Variants in CAMKMT observed in about 807,000 individuals in gnomAD.
CAMKMT encodes the protein CaM KMT.
A neutral mutation model predicts 48.0 loss-of-function variants in CAMKMT; 53 were observed. The ratio of observed to expected loss-of-function variants is 1.10; its 90% CI spans 0.89 to 1.39. CAMKMT has a LOEUF of 1.39. Ranked by LOEUF, CAMKMT falls within the 40% of genes most tolerant of loss-of-function variation. The pLI is 0.00. For synonymous variants in CAMKMT, 165 were observed against 152.3 expected, an observed-to-expected ratio of 1.08 and a Z score of -0.61; for missense variants, 428 against 402.7, an observed-to-expected ratio of 1.06 and a Z score of -0.54.
intron 9 of CAMKMT, among the ~76,000 whole-genome samples, chr2:44,755,734 A>G (rs1420638374): frequency 6.6e-6 from 1 of 152,082 alleles, no homozygotes; most frequent in South Asian, 2.1e-4. Flanking sequence ...AACCCTGAAC[A>G]CACTCCCTCC....
intron 3 of CAMKMT, among the ~76,000 whole-genome samples, chr2:44,504,317 G>T (rs931011951): frequency 2.0e-5 from 3 of 152,074 alleles, no homozygotes; most frequent in Admixed American, 6.6e-5. Context: ...TTAGTTTAGG[G>T]CACTCCCTTT....
intron 3 of CAMKMT, among the ~76,000 whole-genome samples, chr2:44,561,827 G>T (rs1436162145): frequency 6.6e-6 from 1 of 152,180 alleles, no homozygotes; most frequent in African/African-American, 2.4e-5. Context: ...ACTGCTAAAT[G>T]AACAAGGAAG....
chr2:44,550,721 G>T (rs571093784), intron 3 of CAMKMT: 1 of 151,886 alleles, frequency 6.6e-6, no homozygotes, highest in African/African-American at 2.4e-5. Context: ...TGCAGTGACT[G>T]GATGAGTCAA....
intron 3 of CAMKMT, among the ~76,000 whole-genome samples, chr2:44,544,159 A>C (rs149503575): frequency 6.6e-6 from 1 of 151,926 alleles, no homozygotes; most frequent in Non-Finnish European, 1.5e-5. Context: ...ATTATGTTAA[A>C]TACATCCCAT....
intron 7 of CAMKMT, among the ~76,000 whole-genome samples, chr2:44,732,787 G>T (rs551840768): frequency 1.3e-5 from 2 of 152,118 alleles, no homozygotes; most frequent in African/African-American, 4.8e-5. Flanking sequence ...TCTTATCATT[G>T]ACATACTCTG....
At chr2:44,484,541 C>A (rs1341736088) in intron 3 of CAMKMT, among the ~76,000 whole-genome samples, 4 of 151,776 alleles carry the variant, frequency 2.6e-5, no homozygotes, top group African/African-American at 7.2e-5. Context: ...AAATCATGGT[C>A]CTCTACCTCA....
chr2:44,411,651 A>G (rs1354707047), intron 3 of CAMKMT, among the ~76,000 whole-genome samples: 1 of 152,168 alleles, frequency 6.6e-6, no homozygotes, highest in African/African-American at 2.4e-5. Context: ...TATGCAAATA[A>G]ATACTGCCTT....
At chr2:44,530,695 TGG>T (rs1390409548) in intron 3 of CAMKMT, among the ~76,000 whole-genome samples, 11 of 152,260 alleles carry the variant, frequency 7.2e-5, no homozygotes, top group Admixed American at 6.5e-4. Flanking sequence ...TTGATGGTTT[TGG>T]GTGATGTGCC....
intron 2 of CAMKMT, among the ~76,000 whole-genome samples, chr2:44,384,327 G>T (rs1400856776): frequency 6.6e-6 from 1 of 151,620 alleles, no homozygotes; most frequent in Non-Finnish European, 1.5e-5. Flanking sequence ...GGGATTGTTT[G>T]TTTTTTTCTT....
chr2:44,442,295 C>T (rs1360544197), intron 3 of CAMKMT, among the ~76,000 whole-genome samples: 1 of 152,086 alleles, frequency 6.6e-6, no homozygotes, highest in African/African-American at 2.4e-5. Flanking sequence ...GTTATCATTT[C>T]CCATAGAGTT....
At chr2:44,697,727 C>T (rs1024170070) in intron 3 of CAMKMT, among the ~76,000 whole-genome samples, 1 of 151,582 alleles carries the variant, frequency 6.6e-6, no homozygotes, top group African/African-American at 2.4e-5. Context: ...AAGCAGATGG[C>T]GTGGGGTGGA....
chr2:44,668,491 A>C (rs910309700), intron 3 of CAMKMT, among the ~76,000 whole-genome samples: 1 of 152,212 alleles, frequency 6.6e-6, no homozygotes, highest in East Asian at 1.9e-4. Flanking sequence ...AAAAGGAAAG[A>C]CAAGACCCCT....
At chr2:44,378,734 C>G (rs1679948996) in intron 2 of CAMKMT, among the ~76,000 whole-genome samples, 1 of 152,208 alleles carries the variant, frequency 6.6e-6, no homozygotes, top group East Asian at 1.9e-4. Flanking sequence ...CCTCATGATC[C>G]ACCCACCTTG....
chr2:44,729,436 G>A (rs1678965367), intron 7 of CAMKMT, among the ~76,000 whole-genome samples: 1 of 152,184 alleles, frequency 6.6e-6, no homozygotes, highest in African/African-American at 2.4e-5. Flanking sequence ...GAGCAAGGTT[G>A]ATGGCTCAGG....
chr2:44,527,376 CATATAAT>C (rs1035819308), intron 3 of CAMKMT, among the ~76,000 whole-genome samples: 1 of 138,564 alleles, frequency 7.2e-6, no homozygotes, highest in African/African-American at 2.7e-5. Context: ...TATATACATA[CATATAAT>C]ATATAATATA....
At chr2:44,554,399 T>C (rs1456482253) in intron 3 of CAMKMT, among the ~76,000 whole-genome samples, 7 of 152,222 alleles carry the variant, frequency 4.6e-5, no homozygotes. Context: ...TTGACCTTTC[T>C]GTGCCTCATT....
intron 3 of CAMKMT, among the ~76,000 whole-genome samples, chr2:44,676,328 T>C (rs554531134): frequency 1.8e-4 from 28 of 152,332 alleles, no homozygotes; most frequent in African/African-American, 6.5e-4. Flanking sequence ...CTGAATCTAG[T>C]TCCATATTTC....
At chr2:44,385,199 C>T (rs1438728270) in intron 2 of CAMKMT, among the ~76,000 whole-genome samples, 19 of 151,432 alleles carry the variant, frequency 1.3e-4, no homozygotes, top group Middle Eastern at 6.4e-3. Flanking sequence ...CTTTTGACGT[C>T]TTGGTTAGGT....
At chr2:44,422,544 G>T (rs1684002242) in intron 3 of CAMKMT, among the ~76,000 whole-genome samples, 1 of 152,164 alleles carries the variant, frequency 6.6e-6, no homozygotes, top group African/African-American at 2.4e-5. Flanking sequence ...ACACACATCA[G>T]TGCTAGCACT....
Sources: gnomAD v4.1 joint callset for allele counts (sites outside exome capture counted in the v4.1 genomes callset) on GRCh38, gnomAD v4.1.1 for gene constraint, MANE v1.5 for transcripts, NCBI Gene and HGNC (gene_info 2026-07-23, HGNC 2026-07-21) for gene names.